TET1: variants seen among roughly 807,000 people sequenced by gnomAD.
TET1 encodes methylcytosine dioxygenase TET1.
A neutral mutation model predicts 148.7 loss-of-function variants in TET1; 13 were observed. That is an observed-to-expected ratio of 0.09 (90% CI 0.06 to 0.14). The LOEUF (loss-of-function observed/expected upper bound fraction) is 0.14, where lower values mean the gene tolerates loss of function less well. Among genes scored for constraint, TET1 ranks in the 10% least tolerant of loss-of-function variants. The pLI is 1.00. For synonymous variants in TET1, 907 were observed against 937.2 expected (o/e 0.97, Z 0.59); for missense variants, 2,182 against 2,553.8 (o/e 0.85, Z 3.14).
intron 8 of TET1, among the ~76,000 whole-genome samples, chr10:68,678,132 G>A (rs990635069): frequency 1.3e-5 from 2 of 152,120 alleles, no homozygotes; most frequent in Admixed American, 1.3e-4. Flanking sequence ...TCTAGATGCT[G>A]TTTGAACAAT....
intron 3 of TET1, among the ~76,000 whole-genome samples, chr10:68,627,821 A>G (rs1424369817): frequency 4.6e-5 from 7 of 151,818 alleles, no homozygotes; most frequent in South Asian, 2.1e-4. Flanking sequence ...CTGTAATCCC[A>G]GCGACTTGGG....
chr10:68,683,886 C>T (rs774416031), intron 10 of TET1, among the ~76,000 whole-genome samples: 2 of 152,174 alleles, frequency 1.3e-5, no homozygotes, highest in Non-Finnish European at 2.9e-5. Context: ...TGTAAATCAT[C>T]ACATGTCCAT....
At chr10:68,598,066 C>T (rs1268563996) in intron 2 of TET1, among the ~76,000 whole-genome samples, 1 of 152,142 alleles carries the variant, frequency 6.6e-6, no homozygotes, top group Non-Finnish European at 1.5e-5. Context: ...TGTGAATGTA[C>T]TTAATGTCAC....
intron 6 of TET1, among the ~76,000 whole-genome samples, chr10:68,657,057 C>T (rs1294213102): frequency 6.8e-6 from 1 of 147,592 alleles, no homozygotes; most frequent in South Asian, 2.2e-4. Context: ...CATTTGGGTG[C>T]GGTGGCTCAT....
intron 1 of TET1, among the ~76,000 whole-genome samples, chr10:68,567,359 A>G (rs1057173290): frequency 6.6e-6 from 1 of 152,114 alleles, no homozygotes; most frequent in Non-Finnish European, 1.5e-5. Context: ...TAGGTCAGTC[A>G]GTAATTTTTA....
chr10:68,629,698 C>T (rs985157948), intron 3 of TET1, among the ~76,000 whole-genome samples: 5 of 151,834 alleles, frequency 3.3e-5, no homozygotes, highest in East Asian at 1.9e-4. Context: ...CCACCACACC[C>T]GGCCAATTTT....
At chr10:68,625,172 G>A (rs1338486712) in intron 3 of TET1, among the ~76,000 whole-genome samples, 1 of 152,104 alleles carries the variant, frequency 6.6e-6, no homozygotes, top group Non-Finnish European at 1.5e-5. Context: ...AATTTAGAAG[G>A]TCTTAGGTTT....
intron 3 of TET1, among the ~76,000 whole-genome samples, chr10:68,616,601 TCA>T (rs1371137994): frequency 2.0e-5 from 3 of 152,252 alleles, no homozygotes; most frequent in East Asian, 1.9e-4. Context: ...AGTAGCTCAA[TCA>T]CAGCTCACGG....
chr10:68,687,912 T>G (rs551776022), intron 11 of TET1, among the ~76,000 whole-genome samples: 1 of 152,188 alleles, frequency 6.6e-6, no homozygotes, highest in Admixed American at 6.5e-5. Context: ...AGTTTTGGTT[T>G]TGGGTTTTGG....
rs190448518 is a variant in TET1, at chr10:68,667,916, A to G, written c.4673+660A>G. On this transcript the variant is annotated intron_variant, in intron 7 of 11. Coordinates refer to ENST00000373644, the MANE Select transcript of TET1 (RefSeq NM_030625.3). ...TATCATTTTGCATTTCCTCTATTCAATGTAAGAGAATATCTGTTTTTCTGT... is the reference window on the plus strand; with the variant it reads ...TATCATTTTGCATTTCCTCTATTCAGTGTAAGAGAATATCTGTTTTTCTGT... 2.7e-3 allele frequency among the ~76,000 whole-genome samples: 414 copies of G among 152,260 alleles called. 5 individuals carry two copies. Among genetic ancestry groups the G allele is most frequent in the Admixed American group, 0.012 (191 of 15,286 alleles).
intron 6 of TET1, among the ~76,000 whole-genome samples, chr10:68,663,348 GT>G (rs1019016261): frequency 2.0e-5 from 3 of 151,998 alleles, no homozygotes; most frequent in African/African-American, 7.3e-5. Flanking sequence ...TTATTCTTAG[GT>G]TTTTTGCATC....
In TET1 at chr10:68,692,421, T is replaced by C. The variant is rs2055605721; in HGVS notation, c.*607T>C. On this transcript the variant is annotated 3_prime_UTR_variant, in exon 12 of 12. Coordinates refer to ENST00000373644, the MANE Select transcript of TET1 (RefSeq NM_030625.3). ...TTGGAGGCTGTTCATAAATTGTAAA[T>C]ATATATTTTAAAAGCACTTTCTATT... The C allele has an allele frequency of 4.3e-6, 1 of 231,906 alleles. No individual in the cohort carries two copies. The highest frequency in any genetic ancestry group is 8.5e-6 in the Non-Finnish European group (1 of 117,076). The allele number at this position is 231,906 out of a possible 1,614,324, so 14.4% of individuals were successfully genotyped here.
intron 1 of TET1, among the ~76,000 whole-genome samples, chr10:68,568,167 T>C (rs2457453): frequency 0.047 from 7,054 of 149,146 alleles, 208 homozygotes; most frequent in South Asian, 0.083. Context: ...CGTGAGCCAC[T>C]GCACTGCGCC....
chr10:68,665,069 G>T (rs1293813510), intron 6 of TET1, among the ~76,000 whole-genome samples: 2 of 152,018 alleles, frequency 1.3e-5, no homozygotes, highest in Non-Finnish European at 2.9e-5. Flanking sequence ...GCGGCACCCA[G>T]CCTTTTTTAT....
At chr10:68,561,749 A>G (rs2053557114) in intron 1 of TET1, among the ~76,000 whole-genome samples, 1 of 77,662 alleles carries the variant, frequency 1.3e-5, no homozygotes, top group African/African-American at 5.3e-5. Context: ...AGGCTCTTGA[A>G]TATATATATA....
At chr10:68,611,582 T>C (rs925605507) in intron 3 of TET1, among the ~76,000 whole-genome samples, 2 of 152,078 alleles carry the variant, frequency 1.3e-5, no homozygotes, top group Admixed American at 1.3e-4. Flanking sequence ...AGCTTGGGAG[T>C]TCCAGGCTGC....
Position 68,574,151 on chromosome 10 carries a change from G to C in TET1, c.1813G>C (p.Glu605Gln). 2 of 1,613,842 alleles carry C rather than the reference G, an allele frequency of 1.2e-6. No individual in the cohort carries two copies. Among genetic ancestry groups the C allele is most frequent in the Middle Eastern group, 3.3e-4 (2 of 6,062 alleles). ...EPCQQKTNCG[E>Q]CTYCKNRKNS... ...CTGCCAGCAGAAGACCAACTGTGGT[G>C]AATGCACTTACTGCAAGAACAGAAA... The change falls in exon 2 of 12, where the codon GAA becomes CAA. Residue 605 changes from glutamate (E) to glutamine (Q), a missense_variant. By Grantham distance (29) the Glu-to-Gln change is conservative. Transcript: ENST00000373644.
At chr10:68,609,992 T>TA (rs2054183199) in intron 3 of TET1, among the ~76,000 whole-genome samples, 1 of 151,126 alleles carries the variant, frequency 6.6e-6, no homozygotes, top group African/African-American at 2.4e-5. Context: ...TATATATTTA[T>TA]AAAAAATAAG....
intron 3 of TET1, among the ~76,000 whole-genome samples, chr10:68,638,131 G>A (rs1170497352): frequency 6.6e-6 from 1 of 152,116 alleles, no homozygotes; most frequent in Non-Finnish European, 1.5e-5. Flanking sequence ...GTGGTACTGG[G>A]CACTGTATGG....
Sources: gnomAD v4.1 joint callset for allele counts (sites outside exome capture counted in the v4.1 genomes callset) on GRCh38, gnomAD v4.1.1 for gene constraint, MANE v1.5 for transcripts, NCBI Gene and HGNC (gene_info 2026-07-23, HGNC 2026-07-21) for gene names.